Variants in PAG1 observed in about 807,000 individuals in gnomAD.
The protein encoded by PAG1 is phosphoprotein associated with glycosphingolipid-enriched microdomains 1.
In PAG1, 23 loss-of-function variants were observed where a neutral mutation model predicts 31.7. The ratio of observed to expected loss-of-function variants is 0.73; its 90% CI spans 0.52 to 1.03. The LOEUF is 1.03. PAG1 is among the 50% of genes least tolerant of loss of function. The probability of loss-of-function intolerance (pLI) is 0.00; values close to 1 mark genes in which losing one functional copy is unlikely to be tolerated. For synonymous variants in PAG1, 214 were observed against 210.3 expected (o/e 1.02, Z -0.15); for missense variants, 473 against 540.7 (o/e 0.87, Z 1.24).
chr8:81,096,849 A>T (rs34665538), intron 1 of PAG1, among the ~76,000 whole-genome samples: 15,983 of 152,244 alleles, frequency 0.1, 1,633 homozygotes, highest in African/African-American at 0.27. Context: ...TGGGGGCACA[A>T]GGCTGTCAGG....
At chr8:81,030,136 A>G (rs928875327) in intron 2 of PAG1, 47 bp from the exon 3 acceptor site, 2 of 152,270 alleles carry the variant, frequency 1.3e-5, no homozygotes, top group African/African-American at 2.4e-5. Flanking sequence ...AGATGGATAT[A>G]CACTGTGAAA....
At chr8:81,098,797 G>A (rs111926349) in intron 1 of PAG1, among the ~76,000 whole-genome samples, 12 of 152,242 alleles carry the variant, frequency 7.9e-5, no homozygotes, top group Admixed American at 1.3e-4. Context: ...GGAAGTTAAC[G>A]TGAAAAAGAA....
At position 80,993,288 on chromosome 8, in the gene PAG1, T is replaced by C. The variant is rs1807597547; in HGVS notation, c.-61A>G. The C allele has an allele frequency of 1.3e-6, 2 of 1,536,490 alleles. No individual in the cohort carries two copies. Among genetic ancestry groups the C allele is most frequent in the South Asian group, 2.5e-5 (2 of 81,318 alleles). On this transcript the variant is annotated 5_prime_UTR_variant, in exon 4 of 9. An upstream start codon of the reference 5' UTR is lost. Transcript: ENST00000220597. ...AGTCAGTCCTTCAAAGGTGGTGACA[T>C]GGAGGCAGAGAGCTGTGTCCTGCAA...
intron 1 of PAG1, 113 bp downstream of exon 1, chr8:81,111,478 C>G (rs189417132): frequency 8.9e-4 from 136 of 152,624 alleles, no homozygotes; most frequent in African/African-American, 3.1e-3. Flanking sequence ...ACTCCCTCCT[C>G]GAGCTGGAAC....
intron 1 of PAG1, among the ~76,000 whole-genome samples, chr8:81,092,428 TC>T (rs951472549): frequency 2.0e-5 from 3 of 152,144 alleles, no homozygotes; most frequent in African/African-American, 7.2e-5. Context: ...CAATATCATT[TC>T]CTATAATGAG....
At chr8:81,058,951 T>TATAAC (rs1808873271) in intron 2 of PAG1, among the ~76,000 whole-genome samples, 1 of 152,168 alleles carries the variant, frequency 6.6e-6, no homozygotes, top group African/African-American at 2.4e-5. Flanking sequence ...ACTATTTCTT[T>TATAAC]AATAATAATT....
chr8:81,067,693 T>C (rs909586547), intron 2 of PAG1: 2 of 152,220 alleles, frequency 1.3e-5, no homozygotes, highest in Non-Finnish European at 2.9e-5. Flanking sequence ...TGGAGACAGT[T>C]GTTAAAAGTT....
At chr8:81,012,977 C>G (rs924469848) in intron 3 of PAG1, among the ~76,000 whole-genome samples, 1 of 152,196 alleles carries the variant, frequency 6.6e-6, no homozygotes, top group Non-Finnish European at 1.5e-5. Flanking sequence ...TACCCATGTC[C>G]GTCAACTCAC....
chr8:81,023,532 G>GTATA (rs142315219), intron 3 of PAG1, among the ~76,000 whole-genome samples: 3 of 150,030 alleles, frequency 2.0e-5, no homozygotes, highest in Admixed American at 6.7e-5. Flanking sequence ...TTTCTCTGCA[G>GTATA]TATATATATA....
intron 1 of PAG1, among the ~76,000 whole-genome samples, chr8:81,110,148 C>A (rs996755203): frequency 1.3e-5 from 2 of 152,158 alleles, no homozygotes; most frequent in African/African-American, 4.8e-5. Context: ...CTTCTCTCTT[C>A]AAAGATTATG....
At chr8:81,020,441 A>T (rs1469989) in intron 3 of PAG1, among the ~76,000 whole-genome samples, 134,820 of 152,178 alleles carry the variant, frequency 0.89, 60,222 homozygotes, top group African/African-American at 0.96. Flanking sequence ...TGGGGGCGGG[A>T]CTTTCCCATG....
intron 2 of PAG1, among the ~76,000 whole-genome samples, chr8:81,069,889 C>G (rs760879055): frequency 6.6e-6 from 1 of 152,154 alleles, no homozygotes; most frequent in Non-Finnish European, 1.5e-5. Flanking sequence ...AGGAAGTATA[C>G]CCATTGGCGT....
chr8:81,087,163 T>C (rs891258278), intron 1 of PAG1, among the ~76,000 whole-genome samples: 2 of 152,034 alleles, frequency 1.3e-5, no homozygotes, highest in African/African-American at 4.8e-5. Flanking sequence ...ACCAACATGG[T>C]GAAACCCCGT....
intron 1 of PAG1, among the ~76,000 whole-genome samples, chr8:81,094,504 T>C (rs1340898281): frequency 6.6e-6 from 1 of 152,190 alleles, no homozygotes; most frequent in African/African-American, 2.4e-5. Flanking sequence ...GCCTAATGGT[T>C]GGGTTTCTAG....
intron 3 of PAG1, among the ~76,000 whole-genome samples, chr8:81,003,386 G>C (rs1807821967): frequency 6.6e-6 from 1 of 152,204 alleles, no homozygotes; most frequent in African/African-American, 2.4e-5. Context: ...AGGTTATACA[G>C]CCGGATCCCT....
intron 1 of PAG1, among the ~76,000 whole-genome samples, chr8:81,110,784 C>T (rs1809761409): frequency 6.6e-6 from 1 of 152,186 alleles, no homozygotes; most frequent in African/African-American, 2.4e-5. Flanking sequence ...AGAAGACACT[C>T]CAATTTGAAG....
intron 1 of PAG1, among the ~76,000 whole-genome samples, chr8:81,081,231 T>C (rs1429309301): frequency 6.6e-6 from 1 of 152,096 alleles, no homozygotes; most frequent in African/African-American, 2.4e-5. Flanking sequence ...AAACAGACTT[T>C]AGAAGAGGCA....
At chr8:81,060,266 C>A (rs985212401) in intron 2 of PAG1, among the ~76,000 whole-genome samples, 4 of 152,118 alleles carry the variant, frequency 2.6e-5, no homozygotes, top group African/African-American at 9.7e-5. Context: ...AGACAAAAAT[C>A]AATAAATACC....
At chr8:81,106,918 G>A (rs1487320454) in intron 1 of PAG1, among the ~76,000 whole-genome samples, 2 of 152,128 alleles carry the variant, frequency 1.3e-5, no homozygotes, top group Non-Finnish European at 2.9e-5. Flanking sequence ...TAGTCTCATG[G>A]GATGACAGAT....
Sources: gnomAD v4.1 joint callset for allele counts (sites outside exome capture counted in the v4.1 genomes callset) on GRCh38, gnomAD v4.1.1 for gene constraint, MANE v1.5 for transcripts, NCBI Gene and HGNC (gene_info 2026-07-23, HGNC 2026-07-21) for gene names.